Variants in NFIA observed in about 807,000 individuals in gnomAD.
The protein encoded by NFIA is nuclear factor 1 A-type.
NFIA carries 8 observed loss-of-function variants against 62.8 expected under a neutral mutation model. That is an observed-to-expected ratio of 0.13 (90% CI 0.07 to 0.23). NFIA has a LOEUF of 0.23. NFIA is among the 10% of genes least tolerant of loss of function. The probability of loss-of-function intolerance (pLI) is 1.00; values close to 1 mark genes in which losing one functional copy is unlikely to be tolerated. For synonymous variants in NFIA, 235 were observed against 238.1 expected (o/e 0.99, Z 0.12); for missense variants, 410 against 642.1 (o/e 0.64, Z 3.91).
Position 61,364,761 on chromosome 1 carries a change from T to C in NFIA, c.946+5487T>C, listed in dbSNP as rs149520323. Among the ~76,000 whole-genome samples the C allele has an allele frequency of 2.0e-5, 3 of 152,328 alleles. No individual in the cohort carries two copies. The East Asian group carries it at 5.8e-4, about 29-fold the overall frequency. On this transcript the variant is annotated intron_variant, in intron 6 of 10. Transcript: ENST00000403491. ...CCTTTGTAGAACATTTTATGTAGTA[T>C]AGACAACCTCCCTGACTTACCTGTG...
intron 10 of NFIA, among the ~76,000 whole-genome samples, chr1:61,433,451 TTTC>T (rs1274358310): frequency 1.3e-5 from 2 of 151,272 alleles, no homozygotes; most frequent in Non-Finnish European, 2.9e-5. Flanking sequence ...TTGTTGTTGG[TTTC>T]TTTTTTTTTT....
At chr1:61,436,086 C>T (rs1388637197) in intron 10 of NFIA, among the ~76,000 whole-genome samples, 1 of 152,144 alleles carries the variant, frequency 6.6e-6, no homozygotes, top group Non-Finnish European at 1.5e-5. Context: ...TCACCGTGTG[C>T]TGGTTAAACA....
intron 3 of NFIA, among the ~76,000 whole-genome samples, chr1:61,278,167 T>C (rs1236918175): frequency 6.6e-6 from 1 of 152,232 alleles, no homozygotes; most frequent in African/African-American, 2.4e-5. Flanking sequence ...CTAAATTTTC[T>C]GTTGCAGATG....
chr1:61,120,482 G>T (rs1464427195), intron 2 of NFIA, among the ~76,000 whole-genome samples: 1 of 152,144 alleles, frequency 6.6e-6, no homozygotes, highest in Non-Finnish European at 1.5e-5. Flanking sequence ...GGCACACTCT[G>T]GTCGTTTTGT....
Position 61,461,485 on chromosome 1 carries a change from A to G in NFIA, c.*6165A>G, listed in dbSNP as rs919262273. On this transcript the variant is annotated 3_prime_UTR_variant, in exon 11 of 11. Coordinates refer to ENST00000403491, the MANE Select transcript of NFIA (RefSeq NM_001134673.4). ...TTGCTTCCCAAATTAAATAAATTTC[A>G]TCTCATTTTTTTCCCTAAACCAGCA... 1.3e-5 allele frequency: 2 copies of G among 152,142 alleles called. No homozygotes were observed. The highest frequency in any genetic ancestry group is 2.4e-5 in the African/African-American group (1 of 41,418). The allele number at this position is 152,142 out of a possible 1,614,324, so 9.4% of individuals were successfully genotyped here. A position where few individuals can be genotyped will look rare whatever the true frequency, so the allele number is the denominator to read the frequency against.
chr1:61,177,653 TTGTGTGTGTG>T (rs56299869), intron 2 of NFIA, among the ~76,000 whole-genome samples: 11 of 146,162 alleles, frequency 7.5e-5, no homozygotes, highest in East Asian at 2.0e-4. Flanking sequence ...GTTTTCTCTA[TTGTGTGTGTG>T]TGTGTGTGTG....
At chr1:61,443,044 G>GT (rs1415510584) in intron 10 of NFIA, among the ~76,000 whole-genome samples, 2 of 152,136 alleles carry the variant, frequency 1.3e-5, no homozygotes, top group African/African-American at 4.8e-5. Context: ...AACCCTTAAT[G>GT]TTTTTTAATA....
At chr1:61,336,386 T>C (rs1661609407) in intron 4 of NFIA, among the ~76,000 whole-genome samples, 1 of 152,214 alleles carries the variant, frequency 6.6e-6, no homozygotes, top group African/African-American at 2.4e-5. Flanking sequence ...GGGCAGTTTT[T>C]TAGGTTTACA....
At chr1:61,342,035 G>C (rs1661947933) in intron 4 of NFIA, among the ~76,000 whole-genome samples, 1 of 152,102 alleles carries the variant, frequency 6.6e-6, no homozygotes, top group African/African-American at 2.4e-5. Flanking sequence ...CTAGAATGGG[G>C]CCGGTGGAGT....
chr1:61,259,251 T>C (rs1051039568), intron 2 of NFIA, among the ~76,000 whole-genome samples: 24 of 152,202 alleles, frequency 1.6e-4, no homozygotes, highest in Admixed American at 1.1e-3. Context: ...TTGAAAAATG[T>C]ATACTTTTTT....
At chr1:61,373,670 T>C (rs1439295172) in intron 6 of NFIA, among the ~76,000 whole-genome samples, 1 of 152,160 alleles carries the variant, frequency 6.6e-6, no homozygotes, top group Non-Finnish European at 1.5e-5. Flanking sequence ...ACGAAAGTAT[T>C]CATAAGGGTG....
At chr1:61,092,131 A>G (rs1486779259) in intron 2 of NFIA, among the ~76,000 whole-genome samples, 1 of 152,184 alleles carries the variant, frequency 6.6e-6, no homozygotes. Flanking sequence ...AATTCAACTA[A>G]GGCCTTTGCT....
At chr1:61,132,175 G>C (rs1418425072) in intron 2 of NFIA, among the ~76,000 whole-genome samples, 1 of 152,132 alleles carries the variant, frequency 6.6e-6, no homozygotes, top group Non-Finnish European at 1.5e-5. Context: ...GGTCAAAAAA[G>C]AATGAGGAAA....
intron 2 of NFIA, among the ~76,000 whole-genome samples, chr1:61,191,383 A>T (rs1651607171): frequency 6.6e-6 from 1 of 152,074 alleles, no homozygotes; most frequent in South Asian, 2.1e-4. Flanking sequence ...TGAGTGGATA[A>T]ATGCTAAACG....
At chr1:61,220,059 C>T (rs1653925566) in intron 2 of NFIA, among the ~76,000 whole-genome samples, 1 of 152,176 alleles carries the variant, frequency 6.6e-6, no homozygotes. Flanking sequence ...CGGCATTTTC[C>T]GCCAATGATA....
chr1:61,419,687 G>C (rs1412218266), intron 9 of NFIA, among the ~76,000 whole-genome samples: 7 of 152,144 alleles, frequency 4.6e-5, no homozygotes, highest in Non-Finnish European at 1.0e-4. Flanking sequence ...TACTAACAGA[G>C]CAAAGCCATC....
At chr1:61,374,579 T>C (rs1664057864) in intron 6 of NFIA, among the ~76,000 whole-genome samples, 2 of 152,180 alleles carry the variant, frequency 1.3e-5, no homozygotes, top group South Asian at 4.1e-4. Flanking sequence ...CACTCACAAA[T>C]GAACATTTGG....
At chr1:61,119,246 A>G (rs1646845473) in intron 2 of NFIA, among the ~76,000 whole-genome samples, 1 of 152,190 alleles carries the variant, frequency 6.6e-6, no homozygotes, top group African/African-American at 2.4e-5. Flanking sequence ...TCAAGGCCCA[A>G]AGTCCACCCC....
At chr1:61,263,859 A>G (rs1216128800) in intron 2 of NFIA, among the ~76,000 whole-genome samples, 1 of 152,104 alleles carries the variant, frequency 6.6e-6, no homozygotes, top group African/African-American at 2.4e-5. Context: ...GCATGGCAAC[A>G]TGCACCTGGA....
Sources: gnomAD v4.1 joint callset for allele counts (sites outside exome capture counted in the v4.1 genomes callset) on GRCh38, gnomAD v4.1.1 for gene constraint, MANE v1.5 for transcripts, NCBI Gene and HGNC (gene_info 2026-07-23, HGNC 2026-07-21) for gene names.